TNFSF11: variants seen among roughly 807,000 people sequenced by gnomAD.
TNFSF11 encodes tumor necrosis factor ligand superfamily member 11.
Under a neutral mutation model 32.2 loss-of-function variants are expected in TNFSF11, and 12 were observed. That is an observed-to-expected ratio of 0.37 (90% confidence interval 0.24 to 0.60). The LOEUF (loss-of-function observed/expected upper bound fraction) is 0.60. TNFSF11 is among the 20% of genes least tolerant of loss of function. The pLI is 0.66. For missense variants in TNFSF11, 345 were observed against 398.0 expected (o/e 0.87, Z 1.13); for synonymous variants, 172 against 152.1 (o/e 1.13, Z -0.96).
chr13:42,603,649 C>G (rs1869296762), intron 4 of TNFSF11, among the ~76,000 whole-genome samples: 1 of 152,102 alleles, frequency 6.6e-6, no homozygotes, highest in Admixed American at 6.6e-5. Context: ...GCTTCTCTGC[C>G]CCTTCCTGAG....
At chr13:42,587,514 A>G (rs1873954558) in intron 2 of TNFSF11, among the ~76,000 whole-genome samples, 1 of 152,226 alleles carries the variant, frequency 6.6e-6, no homozygotes, top group Non-Finnish European at 1.5e-5. Context: ...TTAATGGTCA[A>G]GATTGTATTT....
chr13:42,581,248 T>C lies in TNFSF11; in HGVS notation c.342T>C (p.Asp114=). The change falls in exon 2 of 5, where the codon GAT becomes GAC. Residue 114 remains aspartate (D), a synonymous_variant. Transcript: ENST00000398795. The part of the protein sequence containing the change: ...LESQDTKLIP[D]SCRRIKQAFQ... ...GTCAAGATACAAAATTAATACCTGA[T>C]TCATGTAGGAGAATTAAACAGGCCT... 6.2e-7 allele frequency: 1 copy of C among 1,614,070 alleles called. No individual in the cohort carries two copies. Among genetic ancestry groups the C allele is most frequent in the Non-Finnish European group, 8.5e-7 (1 of 1,179,980 alleles).
chr13:42,594,193 C>T (rs1463392665), intron 2 of TNFSF11, among the ~76,000 whole-genome samples: 1 of 151,904 alleles, frequency 6.6e-6, no homozygotes, highest in Non-Finnish European at 1.5e-5. Flanking sequence ...GATCTCGTGC[C>T]TTAGCCTCCC....
Position 42,601,278 on chromosome 13 carries a change from A to G in TNFSF11, c.532+297A>G, listed in dbSNP as rs574189965. ...GGAAGGACAATCCTTTGTTATGCTC[A>G]TCTGTACTTTCCCAAGCTAAAGTTG... On this transcript the variant is annotated intron_variant, in intron 4 of 4. Transcript: ENST00000398795. Among the ~76,000 whole-genome samples, 42 of 152,350 alleles carry G rather than the reference A, an allele frequency of 2.8e-4. 1 individual carries two copies. The South Asian group carries it at 7.9e-3, about 29-fold the overall frequency.
upstream of TNFSF11, among the ~76,000 whole-genome samples, chr13:42,572,526 C>T (rs1352840996): frequency 6.6e-6 from 1 of 151,976 alleles, no homozygotes; most frequent in East Asian, 1.9e-4. Flanking sequence ...AGACAATAAA[C>T]CTACTTCCCA....
chr13:42,564,756 C>A (rs2137840308), intron 1 of TNFSF11, among the ~76,000 whole-genome samples: 1 of 152,260 alleles, frequency 6.6e-6, no homozygotes, highest in East Asian at 1.9e-4. Context: ...TATTTTGCAG[C>A]TAAGGTGAGG....
intron 1 of TNFSF11, among the ~76,000 whole-genome samples, chr13:42,566,272 A>T (rs557586989): frequency 8.5e-5 from 13 of 152,278 alleles, no homozygotes; most frequent in African/African-American, 3.1e-4. Context: ...CATCCTGGTG[A>T]GGAAGCATCT....
In TNFSF11 at chr13:42,607,365, GA is replaced by G. The variant is rs1292013690; in HGVS notation, c.*451del. On this transcript the variant is annotated 3_prime_UTR_variant, in exon 5 of 5. Transcript: ENST00000398795. ...AAAAATACTTTTTCTAATGAGGAGAGAAAATATATGTATTTTTATATAATAT... is the reference window on the plus strand; with the variant it reads ...AAAAATACTTTTTCTAATGAGGAGAGAAATATATGTATTTTTATATAATAT... 1.9e-5 allele frequency: 3 copies of G among 154,682 alleles called. No homozygotes were observed. Among genetic ancestry groups the G allele is most frequent in the African/African-American group, 7.2e-5 (3 of 41,444 alleles). 9.6% of individuals were successfully genotyped at this position (154,682 alleles called of 1,614,324 possible). A position where few individuals can be genotyped will look rare whatever the true frequency, so the allele number is the denominator to read the frequency against.
At chr13:42,581,590 G>C (rs781530960) in intron 2 of TNFSF11, among the ~76,000 whole-genome samples, 4 of 152,198 alleles carry the variant, frequency 2.6e-5, no homozygotes, top group Non-Finnish European at 4.4e-5. Flanking sequence ...GCTGTGGCCT[G>C]TCTGTGAGTC....
Position 42,581,245 on chromosome 13 carries a change from T to C in TNFSF11, c.339T>C (p.Pro113=), listed in dbSNP as rs1259970098. ...TLESQDTKLI[P]DSCRRIKQAF... Reference sequence around the variant, plus strand: ...AGAGTCAAGATACAAAATTAATACCTGATTCATGTAGGAGAATTAAACAGG... The same window carrying C: ...AGAGTCAAGATACAAAATTAATACCCGATTCATGTAGGAGAATTAAACAGG... Residue 113 remains proline, a synonymous_variant, in exon 2 of 5, where the codon CCT becomes CCC. Transcript: ENST00000398795. 2 of 1,614,108 alleles carry C rather than the reference T, an allele frequency of 1.2e-6. No individual in the cohort carries two copies. Among genetic ancestry groups the C allele is most frequent in the Non-Finnish European group, 1.7e-6 (2 of 1,179,972 alleles).
At chr13:42,583,123 G>A (rs562672182) in intron 2 of TNFSF11, among the ~76,000 whole-genome samples, 4 of 152,014 alleles carry the variant, frequency 2.6e-5, no homozygotes, top group Non-Finnish European at 4.4e-5. Context: ...ATAATATTAC[G>A]AACAAGGGCA....
In TNFSF11 at chr13:42,607,245, C is replaced by T. The variant is rs201117461; in HGVS notation, c.*327C>T. 3.2e-5 allele frequency: 8 copies of T among 252,726 alleles called. No homozygotes were observed. The highest frequency in any genetic ancestry group is 4.5e-5 in the African/African-American group (2 of 44,008). The allele number at this position is 252,726 out of a possible 1,614,324, so 15.7% of individuals were successfully genotyped here. ...GTTGGTCCCTGGTCATGTGCCCCTT[C>T]GCAGCTGAAGTGGAGAGGGTGTCAT... is the stretch of plus-strand genomic sequence containing the variant. On this transcript the variant is annotated 3_prime_UTR_variant, in exon 5 of 5. Transcript: ENST00000398795.
upstream of TNFSF11, among the ~76,000 whole-genome samples, chr13:42,570,420 T>A (rs542624016): frequency 7.2e-5 from 11 of 152,356 alleles, 1 homozygote; most frequent in South Asian, 2.3e-3. Flanking sequence ...TAATTCTATG[T>A]TAATACACTA....
At chr13:42,575,392 T>C (rs1423782956) in intron 1 of TNFSF11, among the ~76,000 whole-genome samples, 2 of 152,232 alleles carry the variant, frequency 1.3e-5, no homozygotes, top group African/African-American at 4.8e-5. Flanking sequence ...TCTTGGAAAT[T>C]GCAGTGCAGT....
chr13:42,566,355 A>G (rs1241048858), intron 1 of TNFSF11, among the ~76,000 whole-genome samples: 1 of 152,180 alleles, frequency 6.6e-6, no homozygotes, highest in Non-Finnish European at 1.5e-5. Flanking sequence ...TCCAGAAGCA[A>G]TGGGGACTGA....
chr13:42,589,951 A>G (rs1343339560), intron 2 of TNFSF11, among the ~76,000 whole-genome samples: 2 of 152,214 alleles, frequency 1.3e-5, no homozygotes, highest in Non-Finnish European at 2.9e-5. Flanking sequence ...CAACTCAGGC[A>G]TTACTTCCTG....
intron 2 of TNFSF11, among the ~76,000 whole-genome samples, chr13:42,567,419 G>T (rs560895210): frequency 1.3e-4 from 20 of 152,236 alleles, no homozygotes; most frequent in Admixed American, 4.6e-4. Flanking sequence ...TTATGGACAG[G>T]TTTACTTCCT....
upstream of TNFSF11, among the ~76,000 whole-genome samples, chr13:42,570,916 T>G (rs188455844): frequency 2.0e-5 from 3 of 152,352 alleles, no homozygotes. Context: ...TATTATAAGA[T>G]TCTCATTGTA....
At chr13:42,592,708 T>A (rs1868555780) in intron 2 of TNFSF11, among the ~76,000 whole-genome samples, 1 of 152,156 alleles carries the variant, frequency 6.6e-6, no homozygotes, top group African/African-American at 2.4e-5. Flanking sequence ...AAATCTTACC[T>A]CCAATTGTAA....
Sources: gnomAD v4.1 joint callset for allele counts (sites outside exome capture counted in the v4.1 genomes callset) on GRCh38, gnomAD v4.1.1 for gene constraint, MANE v1.5 for transcripts, NCBI Gene and HGNC (gene_info 2026-07-23, HGNC 2026-07-21) for gene names.